Variants in TMPRSS3 observed in about 807,000 individuals in gnomAD.
TMPRSS3 encodes transmembrane protease serine 3.
In TMPRSS3, 55 loss-of-function variants were observed where a neutral mutation model predicts 59.6. The ratio of observed to expected loss-of-function variants is 0.92; its 90% confidence interval spans 0.74 to 1.16. The LOEUF is 1.16. Among genes scored for constraint, TMPRSS3 ranks in the 50% most tolerant of loss-of-function variants. TMPRSS3 has a pLI of 0.00. For synonymous variants in TMPRSS3, 257 were observed against 237.7 expected (o/e 1.08, Z -0.75); for missense variants, 596 against 579.4 (o/e 1.03, Z -0.29).
Position 42,385,412 on chromosome 21 carries a change from A to T in TMPRSS3, c.569T>A (p.Val190Glu). Residue 190 changes from valine to glutamate, a missense_variant, in exon 6 of 13, where the codon GTG (valine) becomes GAG (glutamate). Val to Glu is a moderately radical substitution (Grantham distance 121). Transcript: ENST00000644384. ...KVTALHHSVY[V>E]REGCASGHVV... is the part of the protein sequence containing the mutation. ...ACAGCATCGCCTGACCACCTACCTCACATATACTGAGTGGTGTAATGCAGT... is the reference window on the plus strand; with the variant it reads ...ACAGCATCGCCTGACCACCTACCTCTCATATACTGAGTGGTGTAATGCAGT... 1 of 1,613,588 alleles carries T rather than the reference A, an allele frequency of 6.2e-7. No individual in the cohort carries two copies. The highest frequency in any genetic ancestry group is 8.5e-7 in the Non-Finnish European group (1 of 1,179,808).
rs1479086821 is a variant in TMPRSS3, at chr21:42,372,296, A to G, written c.*466T>C. On this transcript the variant is annotated 3_prime_UTR_variant, in exon 13 of 13. Coordinates refer to ENST00000644384, the MANE Select transcript of TMPRSS3 (RefSeq NM_001256317.3). ...AGCGTGAGGCTAGGCGTGGTGGCCCATGCCTGTAATCCCAGCACTGTGGGA... is the reference window on the plus strand; with the variant it reads ...AGCGTGAGGCTAGGCGTGGTGGCCCGTGCCTGTAATCCCAGCACTGTGGGA... 2 of 454,466 alleles carry G rather than the reference A, an allele frequency of 4.4e-6. No homozygotes were observed. Among genetic ancestry groups the G allele is most frequent in the Non-Finnish European group, 8.8e-6 (2 of 227,010 alleles). 28.2% of individuals were successfully genotyped at this position (454,466 alleles called of 1,614,324 possible).
chr21:42,376,939 C>G (rs1318386460), intron 10 of TMPRSS3, among the ~76,000 whole-genome samples: 3 of 152,196 alleles, frequency 2.0e-5, no homozygotes, highest in African/African-American at 7.2e-5. Flanking sequence ...GGGCCACCGA[C>G]TCCCCTAAGG....
At chr21:42,381,887 C>T (rs1056342518) in intron 9 of TMPRSS3, 178 bp downstream of exon 9, 1 of 828,498 alleles carries the variant, frequency 1.2e-6, no homozygotes, top group Non-Finnish European at 2.0e-6. Context: ...AGGAGCATCA[C>T]AATTTTAATG....
At chr21:42,381,619 C>G (rs1216149653) in intron 9 of TMPRSS3, among the ~76,000 whole-genome samples, 4 of 152,126 alleles carry the variant, frequency 2.6e-5, no homozygotes, top group Non-Finnish European at 5.9e-5. Flanking sequence ...GTGGCACCAA[C>G]AGGGAGAAGG....
chr21:42,375,968 T>G, intron 11 of TMPRSS3, 100 bp from the exon 12 acceptor site: 1 of 1,512,498 alleles, frequency 6.6e-7, no homozygotes, highest in Non-Finnish European at 9.1e-7. Flanking sequence ...GCTATGGAGT[T>G]GGGACCCCCC....
intron 2 of TMPRSS3, among the ~76,000 whole-genome samples, chr21:42,395,105 A>C (rs1235860472): frequency 6.6e-6 from 1 of 152,146 alleles, no homozygotes; most frequent in African/African-American, 2.4e-5. Flanking sequence ...AGAAGAAAAC[A>C]CCGGTCTCCA....
At chr21:42,384,115 T>C (rs995808671) in intron 6 of TMPRSS3, 102 bp from the exon 7 acceptor site, 2 of 1,125,742 alleles carry the variant, frequency 1.8e-6, no homozygotes, top group African/African-American at 1.6e-5. Context: ...TAAATTCTAT[T>C]TCCCCCTCTT....
intron 6 of TMPRSS3, 122 bp from the exon 7 acceptor site, chr21:42,384,135 A>G: frequency 1.1e-6 from 1 of 874,504 alleles, no homozygotes. Flanking sequence ...TTGAATATAG[A>G]TTACAATTTT....
rs1601526828 is a variant in TMPRSS3, at chr21:42,385,339, G to A, written c.572+70C>T. On this transcript the variant is annotated intron_variant, in intron 6 of 12. Transcript: ENST00000644384. ...ATGCCTCTTAAGTCCTTGTGGAGTTGTGCATAGCATCACAAATCCAGCAGG... is the reference window on the plus strand; with the variant it reads ...ATGCCTCTTAAGTCCTTGTGGAGTTATGCATAGCATCACAAATCCAGCAGG... The A allele has an allele frequency of 2.5e-6, 4 of 1,603,018 alleles. No individual in the cohort carries two copies. In the African/African-American group the frequency reaches 5.4e-5, roughly 21 times the overall value.
chr21:42,391,119 G>A (rs1235321356), intron 2 of TMPRSS3, among the ~76,000 whole-genome samples: 1 of 152,226 alleles, frequency 6.6e-6, no homozygotes, highest in Non-Finnish European at 1.5e-5. Flanking sequence ...CAGAGGAGGG[G>A]GTGAAACCCA....
At position 42,396,005 on chromosome 21, in the gene TMPRSS3, T is replaced by C. The variant is rs752961392; in HGVS notation, c.-115A>G. On this transcript the variant is annotated 5_prime_UTR_variant, in exon 1 of 13. Transcript: ENST00000644384. The stretch of plus-strand genomic sequence containing the variant: ...AAGAGATAGTAGGCCACAGTGTTAC[T>C]GGCTTCCCATAAACACAGCCCTTTC... The C allele has an allele frequency of 9.6e-6, 5 of 519,032 alleles. No homozygotes were observed. The highest frequency in any genetic ancestry group is 7.0e-5 in the South Asian group (5 of 71,588). The allele number at this position is 519,032 out of a possible 1,614,324, so 32.2% of individuals were successfully genotyped here.
Position 42,379,528 on chromosome 21 carries a change from C to T in TMPRSS3, c.1048+589G>A, listed in dbSNP as rs187976086. ...TCACGGCAGCCACGGAAAATGAATC[C>T]TCTTCCTACTAACAAAGAAAGTGAT... On this transcript the variant is annotated intron_variant, in intron 10 of 12. Transcript: ENST00000644384. Among the ~76,000 whole-genome samples the T allele has an allele frequency of 2.8e-3, 422 of 152,238 alleles. 3 individuals carry two copies. Among genetic ancestry groups the T allele is most frequent in the African/African-American group, 8.9e-3 (371 of 41,534 alleles).
At chr21:42,390,744 A>G (rs1194514644) in intron 2 of TMPRSS3, among the ~76,000 whole-genome samples, 2 of 152,128 alleles carry the variant, frequency 1.3e-5, no homozygotes, top group African/African-American at 4.8e-5. Context: ...CACAAAAACA[A>G]AAAGGAGAAA....
intron 7 of TMPRSS3, chr21:42,383,474 T>C (rs934868264): frequency 5.3e-6 from 3 of 567,656 alleles, no homozygotes; most frequent in Non-Finnish European, 9.5e-6. Flanking sequence ...CCACTCCCCA[T>C]CCTATTCCCC....
At chr21:42,385,628 C>T in intron 5 of TMPRSS3, 94 bp from the exon 6 acceptor site, 1 of 1,501,996 alleles carries the variant, frequency 6.7e-7, no homozygotes, top group Admixed American at 1.7e-5. Flanking sequence ...AGGGATTGTA[C>T]ATGGGGGATG....
chr21:42,378,034 C>T (rs1470356602), intron 10 of TMPRSS3, among the ~76,000 whole-genome samples: 2 of 152,244 alleles, frequency 1.3e-5, no homozygotes, highest in South Asian at 4.1e-4. Context: ...TGAGAGCCCA[C>T]CATGAGAGGA....
At chr21:42,380,333 C>T in intron 9 of TMPRSS3, 121 bp from the exon 10 acceptor site, 4 of 822,776 alleles carry the variant, frequency 4.9e-6, no homozygotes, top group South Asian at 2.9e-5. Context: ...AAGGTCAAGC[C>T]CTTGGTTACT....
intron 8 of TMPRSS3, 179 bp downstream of exon 8, chr21:42,382,854 C>G: frequency 1.4e-6 from 1 of 732,930 alleles, no homozygotes. Context: ...TCACAAGTTA[C>G]CCCCAGCTGA....
At chr21:42,378,961 T>C (rs945861161) in intron 10 of TMPRSS3, among the ~76,000 whole-genome samples, 2 of 152,172 alleles carry the variant, frequency 1.3e-5, no homozygotes, top group African/African-American at 4.8e-5. Context: ...CTCGGCTCAC[T>C]GCAACCTCCG....
Sources: allele counts gnomAD v4.1 joint callset (sites outside exome capture counted in the v4.1 genomes callset), GRCh38; gene constraint gnomAD v4.1.1; transcripts MANE v1.5; gene names NCBI Gene and HGNC (gene_info 2026-07-23, HGNC 2026-07-21).